Variants in ZNF324B observed in about 807,000 individuals in gnomAD.
ZNF324B encodes the protein zinc finger protein 324B.
Under a neutral mutation model 10.6 loss-of-function variants are expected in ZNF324B, and 7 were observed. The ratio of observed to expected loss-of-function variants is 0.66; its 90% CI spans 0.38 to 1.24. The LOEUF (loss-of-function observed/expected upper bound fraction) is 1.24, where lower values mean the gene tolerates loss of function less well. Ranked by LOEUF, ZNF324B falls within the 50% of genes most tolerant of loss-of-function variation. ZNF324B has a pLI of 0.02. For synonymous variants in ZNF324B, 316 were observed against 321.0 expected, an observed-to-expected ratio of 0.98 and a Z score of 0.17; for missense variants, 640 against 764.7, an observed-to-expected ratio of 0.84 and a Z score of 1.92.
the ZNF324B span, chr19:58,432,214 C>T: frequency 1.1e-5 from 5 of 455,558 alleles, no homozygotes; most frequent in Non-Finnish European, 2.2e-5. Flanking sequence ...CTTCTCTCAG[C>T]TCCCAGTTCC....
upstream of ZNF324B, among the ~76,000 whole-genome samples, chr19:58,446,888 CTTTTCTT>C (rs1427742246): frequency 2.0e-5 from 3 of 151,612 alleles, no homozygotes; most frequent in African/African-American, 4.8e-5. Flanking sequence ...CTCCTTTTGT[CTTTTCTT>C]TTTTCTTTTC....
chr19:58,422,683 T>G, the ZNF324B span, among the ~76,000 whole-genome samples: 5 of 152,166 alleles, frequency 3.3e-5, no homozygotes. Flanking sequence ...GGAATAAATT[T>G]AACCAAGGAG....
chr19:58,443,615 T>A, the ZNF324B span: 5 of 152,352 alleles, frequency 3.3e-5, no homozygotes, highest in African/African-American at 9.6e-5. Context: ...TCTCAAAACC[T>A]GTGTAGCATA....
upstream of ZNF324B, chr19:58,451,484 C>T (rs555747234): frequency 8.1e-5 from 30 of 372,474 alleles, no homozygotes; most frequent in African/African-American, 6.0e-4. Context: ...TTAGCCGTTG[C>T]CATGGAGACT....
the ZNF324B span, chr19:58,440,629 A>G: frequency 5.3e-5 from 8 of 152,110 alleles, no homozygotes; most frequent in African/African-American, 1.9e-4. Flanking sequence ...AAGCGCCCCC[A>G]CCGCGGCGAA....
chr19:58,454,153 C>A, intron 2 of ZNF324B, 75 bp from the exon 3 acceptor site: 1 of 961,162 alleles, frequency 1.0e-6, no homozygotes, highest in Non-Finnish European at 1.7e-6. Flanking sequence ...TTCCATGAAG[C>A]CCTGACTCCT....
chr19:58,436,779 G>A, the ZNF324B span: 5 of 570,208 alleles, frequency 8.8e-6, no homozygotes, highest in Non-Finnish European at 1.6e-5. Context: ...GAATCTCAGT[G>A]GGATCTGTTA....
the ZNF324B span, chr19:58,419,427 G>A: frequency 6.6e-6 from 1 of 152,210 alleles, no homozygotes; most frequent in Non-Finnish European, 1.5e-5. Flanking sequence ...GTAGTATGGA[G>A]TGAAGTGTCT....
chr19:58,436,542 C>T, the ZNF324B span, among the ~76,000 whole-genome samples: 5 of 151,902 alleles, frequency 3.3e-5, no homozygotes, highest in East Asian at 5.8e-4. Flanking sequence ...GTGGCAGGCA[C>T]CTGTAGTCCC....
At chr19:58,418,558 G>C in the ZNF324B span, 5 of 151,980 alleles carry the variant, frequency 3.3e-5, no homozygotes, top group African/African-American at 1.2e-4. Context: ...CGAACTCTGA[G>C]CCTCAAGCTA....
chr19:58,427,343 CT>C, the ZNF324B span, among the ~76,000 whole-genome samples: 2 of 23,098 alleles, frequency 8.7e-5, no homozygotes, highest in East Asian at 2.3e-3. Context: ...TTCTTTCTTT[CT>C]CTTTCCTTTC....
chr19:58,440,306 G>C, the ZNF324B span: 1 of 171,850 alleles, frequency 5.8e-6, no homozygotes, highest in African/African-American at 2.4e-5. Flanking sequence ...GAGGAATGGC[G>C]TTTATTGCGT....
intron 3 of ZNF324B, 156 bp downstream of exon 3, chr19:58,454,500 T>C (rs771027992): frequency 4.9e-6 from 3 of 617,820 alleles, no homozygotes; most frequent in Non-Finnish European, 8.8e-6. Flanking sequence ...GCTGCCTTAG[T>C]AGGTGCCCTT....
At chr19:58,427,732 T>G in the ZNF324B span, among the ~76,000 whole-genome samples, 1 of 151,672 alleles carries the variant, frequency 6.6e-6, no homozygotes, top group Non-Finnish European at 1.5e-5. Context: ...CATAGCTCAC[T>G]GCAGTCTTGA....
intron 2 of ZNF324B, 59 bp from the exon 3 acceptor site, chr19:58,454,169 C>A (rs1218522477): frequency 1.8e-6 from 2 of 1,114,812 alleles, no homozygotes; most frequent in Non-Finnish European, 2.7e-6. Context: ...CTCCTGCTCT[C>A]TGTTGGGAGG....
At chr19:58,435,490 T>A in the ZNF324B span, 1 of 325,212 alleles carries the variant, frequency 3.1e-6, no homozygotes. Context: ...TATACACAAA[T>A]GGCCAATAAG....
the ZNF324B span, among the ~76,000 whole-genome samples, chr19:58,422,480 T>C: frequency 6.6e-6 from 1 of 152,160 alleles, no homozygotes; most frequent in Non-Finnish European, 1.5e-5. Context: ...TGTTTGCAGA[T>C]GACATGATCT....
At position 58,457,565 on chromosome 19, in the gene ZNF324B, A is replaced by G. The variant is rs965577152; in HGVS notation, c.*986A>G. The G allele has an allele frequency of 6.8e-5, 8 of 117,568 alleles. No homozygotes were observed. Among genetic ancestry groups the G allele is most frequent in the East Asian group, 2.8e-4 (1 of 3,564 alleles). The allele number at this position is 117,568 out of a possible 1,614,324, so 7.3% of individuals were successfully genotyped here. ...ACCTTTCCCTTGTTATGCCTCCTCA[A>G]TTGGAGGCTGGACAGAGAGCTGAAT... is the stretch of plus-strand genomic sequence containing the variant. On this transcript the variant is annotated 3_prime_UTR_variant, in exon 4 of 4. Transcript: ENST00000336614.
the ZNF324B span, among the ~76,000 whole-genome samples, chr19:58,425,421 T>TTTCC: frequency 1.6e-4 from 24 of 150,572 alleles, no homozygotes; most frequent in African/African-American, 4.1e-4. Flanking sequence ...GACTTAGATT[T>TTTCC]TTCCTTCCTT....
Sources: gnomAD v4.1 joint callset for allele counts (sites outside exome capture counted in the v4.1 genomes callset) on GRCh38, gnomAD v4.1.1 for gene constraint, MANE v1.5 for transcripts, NCBI Gene and HGNC (gene_info 2026-07-23, HGNC 2026-07-21) for gene names.